Variants in MEIS2 observed in about 807,000 individuals in gnomAD.
MEIS2 encodes the protein Meis homeobox 2.
Under a neutral mutation model 58.6 loss-of-function variants are expected in MEIS2, and 9 were observed. The observed-to-expected ratio is 0.15, with a 90% CI of 0.09 to 0.27. MEIS2 has a LOEUF of 0.27. Ranked by LOEUF, MEIS2 falls within the 10% of genes least tolerant of loss-of-function variation. The pLI is 1.00. For missense variants in MEIS2, 427 were observed against 635.0 expected (o/e 0.67, Z 3.52); for synonymous variants, 221 against 228.4 (o/e 0.97, Z 0.29).
At chr15:36,901,170 A>G (rs532135430) in intron 9 of MEIS2, 19 of 152,362 alleles carry the variant, frequency 1.2e-4, no homozygotes, top group African/African-American at 4.3e-4. Context: ...TTAAAACATG[A>G]AAAGGCCCTG....
intron 8 of MEIS2, among the ~76,000 whole-genome samples, chr15:36,973,295 G>T (rs747076539): frequency 3.5e-4 from 53 of 152,126 alleles, no homozygotes; most frequent in Non-Finnish European, 8.8e-5. Flanking sequence ...TCACAAAAGG[G>T]CTCTTCAAAG....
intron 8 of MEIS2, among the ~76,000 whole-genome samples, chr15:37,019,993 A>G (rs1185032190): frequency 3.9e-5 from 6 of 152,184 alleles, no homozygotes; most frequent in African/African-American, 1.4e-4. Flanking sequence ...GAGCTCGAAC[A>G]TAATTTACAG....
chr15:36,961,406 A>G (rs1354585048), intron 8 of MEIS2, among the ~76,000 whole-genome samples: 1 of 152,136 alleles, frequency 6.6e-6, no homozygotes, highest in African/African-American at 2.4e-5. Flanking sequence ...TCACTCGTTC[A>G]AGACAAAAGT....
chr15:36,914,302 G>A (rs9302318), intron 9 of MEIS2, among the ~76,000 whole-genome samples: 36,162 of 152,208 alleles, frequency 0.24, 4,598 homozygotes, highest in East Asian at 0.41. Context: ...CATCTCTGCT[G>A]TAGGCAAATA....
chr15:36,973,034 C>T (rs903893743), intron 8 of MEIS2: 2 of 152,124 alleles, frequency 1.3e-5, no homozygotes, highest in Non-Finnish European at 2.9e-5. Context: ...ACCAACACAG[C>T]TGTGGAAGAA....
At chr15:37,030,798 G>T (rs1258180687) in intron 8 of MEIS2, among the ~76,000 whole-genome samples, 1 of 150,754 alleles carries the variant, frequency 6.6e-6, no homozygotes, top group African/African-American at 2.4e-5. Context: ...GCACCACCAT[G>T]CCCAGCCAAT....
At chr15:36,985,913 A>G (rs1434230173) in intron 8 of MEIS2, among the ~76,000 whole-genome samples, 1 of 152,172 alleles carries the variant, frequency 6.6e-6, no homozygotes, top group Non-Finnish European at 1.5e-5. Context: ...TCTTTTATTC[A>G]ATAAAGAGGT....
intron 8 of MEIS2, among the ~76,000 whole-genome samples, chr15:36,954,889 A>G (rs2058900877): frequency 6.6e-6 from 1 of 152,218 alleles, no homozygotes; most frequent in African/African-American, 2.4e-5. Flanking sequence ...CCTCCAAGGC[A>G]TATATTTTAT....
intron 8 of MEIS2, among the ~76,000 whole-genome samples, chr15:37,028,576 C>T (rs1242866470): frequency 6.6e-6 from 1 of 152,110 alleles, no homozygotes; most frequent in Non-Finnish European, 1.5e-5. Context: ...GTAAAAACGA[C>T]AACAGATGGC....
At chr15:37,021,471 G>A (rs75162890) in intron 8 of MEIS2, among the ~76,000 whole-genome samples, 5 of 152,262 alleles carry the variant, frequency 3.3e-5, no homozygotes, top group African/African-American at 7.2e-5. Context: ...TATGACAAAG[G>A]CCTGTCTAAT....
At chr15:36,976,092 T>C (rs2059739797) in intron 8 of MEIS2, among the ~76,000 whole-genome samples, 1 of 152,170 alleles carries the variant, frequency 6.6e-6, no homozygotes, top group Non-Finnish European at 1.5e-5. Flanking sequence ...AGTTTTATTT[T>C]ATTTTTTTTT....
chr15:37,051,359 C>T (rs1306227630), intron 7 of MEIS2, among the ~76,000 whole-genome samples: 2 of 152,078 alleles, frequency 1.3e-5, no homozygotes, highest in Non-Finnish European at 2.9e-5. Flanking sequence ...AAGCCACACG[C>T]AAAAGGCCAC....
chr15:37,043,981 T>C (rs2062556048), intron 7 of MEIS2, among the ~76,000 whole-genome samples: 1 of 152,140 alleles, frequency 6.6e-6, no homozygotes, highest in Admixed American at 6.6e-5. Flanking sequence ...CCACTGTGCC[T>C]GGCCCGTCTC....
intron 4 of MEIS2, among the ~76,000 whole-genome samples, chr15:37,095,185 C>T (rs1301504389): frequency 2.0e-5 from 3 of 151,644 alleles, no homozygotes; most frequent in African/African-American, 4.8e-5. Flanking sequence ...CACCCCCAGC[C>T]CGCCCTCAGC....
chr15:36,991,520 C>T (rs1041367791), intron 8 of MEIS2, among the ~76,000 whole-genome samples: 1 of 152,058 alleles, frequency 6.6e-6, no homozygotes, highest in South Asian at 2.1e-4. Context: ...TCATAGGGTA[C>T]ACTAACTTAA....
chr15:36,903,201 C>A (rs538034176), intron 9 of MEIS2, among the ~76,000 whole-genome samples: 2 of 152,158 alleles, frequency 1.3e-5, no homozygotes, highest in Non-Finnish European at 2.9e-5. Context: ...AACAAAACAT[C>A]CCAGCAGGTT....
chr15:37,043,888 A>G (rs1278255155), intron 7 of MEIS2, among the ~76,000 whole-genome samples: 3 of 151,978 alleles, frequency 2.0e-5, no homozygotes, highest in Admixed American at 6.6e-5. Flanking sequence ...GGGTTTCACC[A>G]TGTTGGCCAG....
intron 7 of MEIS2, among the ~76,000 whole-genome samples, chr15:37,052,789 AAATATCTTCTTCCTTATT>A (rs2062977746): frequency 6.6e-6 from 1 of 152,240 alleles, no homozygotes; most frequent in Admixed American, 6.5e-5. Context: ...TGCTTTATAA[AAATATCTTCTTCCTTATT>A]CTTCCGAAAC....
chr15:37,052,346 A>G (rs1306336704), intron 7 of MEIS2, among the ~76,000 whole-genome samples: 4 of 152,200 alleles, frequency 2.6e-5, no homozygotes, highest in South Asian at 2.1e-4. Context: ...AGAGTTTGGT[A>G]GTGTAATTCC....
Sources: gnomAD v4.1 joint callset for allele counts (sites outside exome capture counted in the v4.1 genomes callset) on GRCh38, gnomAD v4.1.1 for gene constraint, MANE v1.5 for transcripts, NCBI Gene and HGNC (gene_info 2026-07-23, HGNC 2026-07-21) for gene names.